The following MTMR7 variants were observed in gnomAD, a reference collection of about 807,000 sequenced individuals.
MTMR7 encodes the protein phosphatidylinositol-3-phosphate phosphatase MTMR7.
Under a neutral mutation model 81.2 loss-of-function variants are expected in MTMR7, and 76 were observed. The observed-to-expected ratio is 0.94, with a 90% CI of 0.78 to 1.13. MTMR7 has a LOEUF of 1.13. MTMR7 is among the 50% of genes most tolerant of loss of function. MTMR7 has a pLI of 0.00. For missense variants in MTMR7, 1,044 were observed against 820.0 expected, an observed-to-expected ratio of 1.27 and a Z score of -3.34; for synonymous variants, 372 against 289.8, an observed-to-expected ratio of 1.28 and a Z score of -2.88.
At chr8:17,396,463 C>T (rs6989191) in intron 1 of MTMR7, among the ~76,000 whole-genome samples, 6,676 of 152,164 alleles carry the variant, frequency 0.044, 403 homozygotes, top group African/African-American at 0.13. Flanking sequence ...TACTTGAGGA[C>T]TTGGCATTCA....
At chr8:17,366,470 G>A (rs968590685) in intron 3 of MTMR7, among the ~76,000 whole-genome samples, 2 of 152,072 alleles carry the variant, frequency 1.3e-5, no homozygotes, top group African/African-American at 4.8e-5. Context: ...GGTGGGAAAG[G>A]GAAGGGAAAA....
intron 1 of MTMR7, among the ~76,000 whole-genome samples, chr8:17,388,003 C>T (rs541266794): frequency 6.6e-6 from 1 of 152,284 alleles, no homozygotes; most frequent in South Asian, 2.1e-4. Flanking sequence ...AAAATAGTGA[C>T]ACAGCCAAGC....
chr8:17,316,855 C>T (rs1818112273), intron 7 of MTMR7, among the ~76,000 whole-genome samples: 1 of 151,824 alleles, frequency 6.6e-6, no homozygotes, highest in African/African-American at 2.4e-5. Flanking sequence ...ATTTGAGAAT[C>T]TATGGGGGCT....
At chr8:17,382,803 A>T (rs927943962) in intron 1 of MTMR7, among the ~76,000 whole-genome samples, 2 of 152,342 alleles carry the variant, frequency 1.3e-5, no homozygotes, top group Admixed American at 1.3e-4. Flanking sequence ...TAGAAATGTT[A>T]TATGAGCCAC....
intron 7 of MTMR7, among the ~76,000 whole-genome samples, chr8:17,322,816 C>G (rs891361339): frequency 8.4e-6 from 1 of 119,660 alleles, no homozygotes; most frequent in East Asian, 1.9e-4. Context: ...CACAGGGAGA[C>G]CCTCTCTCTT....
In MTMR7 at chr8:17,299,279, C is replaced by CAAAATA. The variant is rs1816942125; in HGVS notation, c.*577_*582dup. On this transcript the variant is annotated 3_prime_UTR_variant, in exon 14 of 14. Coordinates refer to ENST00000180173, the MANE Select transcript of MTMR7 (RefSeq NM_004686.5). ...AAGCAACAAAATTATTCTCACAATT[C>CAAAATA]AAAATATATGCTCCAAGGAAAAGTT... 1 of 152,216 alleles carries CAAAATA rather than the reference C, an allele frequency of 6.6e-6. No individual in the cohort carries two copies. The highest frequency in any genetic ancestry group is 2.4e-5 in the African/African-American group (1 of 41,444). The allele number at this position is 152,216 out of a possible 1,614,324, so 9.4% of individuals were successfully genotyped here. A position where few individuals can be genotyped will look rare whatever the true frequency, so the allele number is the denominator to read the frequency against.
intron 12 of MTMR7, among the ~76,000 whole-genome samples, chr8:17,303,330 A>G (rs990870239): frequency 6.6e-6 from 1 of 152,174 alleles, no homozygotes; most frequent in Non-Finnish European, 1.5e-5. Context: ...ATAAATTCTG[A>G]GAAGATAATT....
chr8:17,305,898 T>C lies in MTMR7; in HGVS notation c.1211A>G (p.Glu404Gly). The change falls in exon 11 of 14, where the codon GAG becomes GGG. Residue 404 changes from glutamate to glycine, a missense_variant. Coordinates refer to ENST00000180173, the MANE Select transcript of MTMR7 (RefSeq NM_004686.5). ...EISPVIDQFI[E>G]CVWQLMEQFP... ...TTGTTCCATTAACTGCCAAACACAC[T>C]CAATGAACTGGTCAATAACTGGAGA... The C allele has an allele frequency of 6.2e-7, 1 of 1,613,762 alleles. No homozygotes were observed. The highest frequency in any genetic ancestry group is 8.5e-7 in the Non-Finnish European group (1 of 1,179,764).
chr8:17,364,220 A>G lies in MTMR7; in HGVS notation c.311-2946T>C, dbSNP rs780619704. Among the ~76,000 whole-genome samples, 89 of 151,360 alleles carry G rather than the reference A, an allele frequency of 5.9e-4. 1 individual carries two copies. The highest frequency in any genetic ancestry group is 1.1e-3 in the Non-Finnish European group (76 of 67,842). ...AATTTTTTGCATTTTTTTTTAGTAG[A>G]GACGGGTTTTCACTGTGTTAGCCAA... On this transcript the variant is annotated intron_variant, in intron 3 of 13. Coordinates refer to ENST00000180173, the MANE Select transcript of MTMR7 (RefSeq NM_004686.5).
intron 1 of MTMR7, among the ~76,000 whole-genome samples, chr8:17,375,409 G>C (rs950853856): frequency 6.6e-6 from 1 of 151,832 alleles, no homozygotes; most frequent in Non-Finnish European, 1.5e-5. Context: ...TGAAATTCCT[G>C]AGGACTTGTG....
chr8:17,362,117 T>C (rs1820079233), intron 3 of MTMR7, among the ~76,000 whole-genome samples: 1 of 152,228 alleles, frequency 6.6e-6, no homozygotes, highest in African/African-American at 2.4e-5. Context: ...GAGCTATGTA[T>C]GTCATTTTAA....
intron 6 of MTMR7, chr8:17,338,911 C>CAG (rs1819330954): frequency 3.3e-5 from 5 of 152,156 alleles, no homozygotes; most frequent in Non-Finnish European, 7.3e-5. Context: ...ACTCCACACA[C>CAG]TTCTCTCCCG....
chr8:17,366,153 G>T (rs1302239491), intron 3 of MTMR7, among the ~76,000 whole-genome samples: 1 of 152,098 alleles, frequency 6.6e-6, no homozygotes, highest in Non-Finnish European at 1.5e-5. Context: ...TGAATAAATG[G>T]GGCTGCATCC....
chr8:17,392,779 T>TGCA (rs1282608199), intron 1 of MTMR7, among the ~76,000 whole-genome samples: 1 of 152,252 alleles, frequency 6.6e-6, no homozygotes, highest in African/African-American at 2.4e-5. Flanking sequence ...AAACTCATTG[T>TGCA]GCAGCAGGGA....
intron 7 of MTMR7, 40 bp downstream of exon 7, chr8:17,331,110 T>A (rs762599331): frequency 6.3e-7 from 1 of 1,586,178 alleles, no homozygotes; most frequent in Non-Finnish European, 8.5e-7. Context: ...ATCAAAATAC[T>A]TAACTGCATT....
intron 5 of MTMR7, among the ~76,000 whole-genome samples, chr8:17,343,706 G>A (rs893731013): frequency 1.3e-5 from 2 of 152,264 alleles, no homozygotes; most frequent in East Asian, 1.9e-4. Context: ...ATTAAAACAC[G>A]CATATTAAAC....
chr8:17,309,564 C>T (rs1156335313), intron 9 of MTMR7, among the ~76,000 whole-genome samples: 1 of 152,210 alleles, frequency 6.6e-6, no homozygotes, highest in African/African-American at 2.4e-5. Flanking sequence ...AGGAACCCCA[C>T]CCGCTGAATG....
intron 7 of MTMR7, among the ~76,000 whole-genome samples, chr8:17,315,018 A>G (rs1817987315): frequency 7.3e-6 from 1 of 136,066 alleles, no homozygotes; most frequent in African/African-American, 3.1e-5. Flanking sequence ...ATCTATGGCT[A>G]TATATTAGCC....
intron 4 of MTMR7, among the ~76,000 whole-genome samples, chr8:17,353,324 T>C (rs1439117585): frequency 6.6e-6 from 1 of 152,164 alleles, no homozygotes; most frequent in African/African-American, 2.4e-5. Context: ...GTATAGAGTA[T>C]CAGTTCTGGA....
Sources: gnomAD v4.1 joint callset for allele counts (sites outside exome capture counted in the v4.1 genomes callset) on GRCh38, gnomAD v4.1.1 for gene constraint, MANE v1.5 for transcripts, NCBI Gene and HGNC (gene_info 2026-07-23, HGNC 2026-07-21) for gene names.